NEK10: variants seen among roughly 807,000 people sequenced by gnomAD.
NEK10 encodes the protein serine/threonine-protein kinase Nek10.
In NEK10, 122 loss-of-function variants were observed where a neutral mutation model predicts 159.8. The ratio of observed to expected loss-of-function variants is 0.76; its 90% CI spans 0.66 to 0.89. NEK10 has a LOEUF of 0.89. NEK10 is among the 40% of genes least tolerant of loss of function. The pLI is 0.00. For synonymous variants in NEK10, 466 were observed against 457.1 expected (o/e 1.02, Z -0.25); for missense variants, 1,342 against 1,323.1 (o/e 1.01, Z -0.22).
At chr3:27,142,406 C>A (rs887947218) in intron 30 of NEK10, among the ~76,000 whole-genome samples, 6 of 152,054 alleles carry the variant, frequency 3.9e-5, no homozygotes, top group Non-Finnish European at 8.8e-5. Context: ...ATGTGATGTG[C>A]ATTATCTTCC....
At chr3:27,317,576 T>TA (rs2045299838) in intron 6 of NEK10, among the ~76,000 whole-genome samples, 1 of 152,176 alleles carries the variant, frequency 6.6e-6, no homozygotes, top group African/African-American at 2.4e-5. Context: ...ATAATACTGG[T>TA]AAAAAGTATG....
chr3:27,137,787 C>A (rs574147880), intron 31 of NEK10, among the ~76,000 whole-genome samples: 6 of 152,218 alleles, frequency 3.9e-5, no homozygotes, highest in South Asian at 4.1e-4. Context: ...AGAGTTTGGA[C>A]AAAACTTGAT....
chr3:27,305,217 T>C (rs1201770879), intron 11 of NEK10, among the ~76,000 whole-genome samples: 3 of 152,156 alleles, frequency 2.0e-5, no homozygotes, highest in Non-Finnish European at 4.4e-5. Context: ...AGACAACATA[T>C]AAAAATAAAT....
chr3:27,143,532 G>A (rs1943990272), intron 30 of NEK10: 1 of 723,676 alleles, frequency 1.4e-6, no homozygotes, highest in Non-Finnish European at 2.5e-6. Context: ...AATCAACTAT[G>A]CAATTTTTTT....
chr3:27,192,517 T>C (rs1255631779), intron 25 of NEK10, among the ~76,000 whole-genome samples: 1 of 151,532 alleles, frequency 6.6e-6, no homozygotes, highest in Non-Finnish European at 1.5e-5. Context: ...TCTTCGGGTC[T>C]CAGGATGGGC....
At chr3:27,182,805 T>C (rs1438673509) in intron 26 of NEK10, among the ~76,000 whole-genome samples, 2 of 152,076 alleles carry the variant, frequency 1.3e-5, no homozygotes, top group African/African-American at 4.8e-5. Flanking sequence ...AGACATTATG[T>C]TAAGTGAAAT....
intron 22 of NEK10, among the ~76,000 whole-genome samples, chr3:27,275,560 T>C (rs1037391015): frequency 7.2e-5 from 11 of 152,152 alleles, no homozygotes; most frequent in Non-Finnish European, 1.2e-4. Flanking sequence ...CTATAGACAC[T>C]ATATCCGGTT....
chr3:27,259,039 A>G (rs910271280), intron 22 of NEK10, among the ~76,000 whole-genome samples: 2 of 151,218 alleles, frequency 1.3e-5, no homozygotes, highest in Non-Finnish European at 2.9e-5. Flanking sequence ...GTCTGTTTAT[A>G]TCCTTCACCC....
chr3:27,144,298 C>T (rs1944078694), intron 30 of NEK10, among the ~76,000 whole-genome samples: 4 of 152,362 alleles, frequency 2.6e-5, no homozygotes, highest in East Asian at 1.9e-4. Context: ...CCTGGATGCA[C>T]TGTAGTTTAC....
intron 23 of NEK10, among the ~76,000 whole-genome samples, chr3:27,224,675 C>G (rs765835413): frequency 6.6e-6 from 1 of 151,836 alleles, no homozygotes; most frequent in African/African-American, 2.4e-5. Flanking sequence ...TGTTTTTTTC[C>G]TTACTCTCAC....
chr3:27,115,905 A>G (rs1940343470), intron 35 of NEK10, 35 bp downstream of exon 35: 3 of 1,494,180 alleles, frequency 2.0e-6, no homozygotes, highest in South Asian at 1.1e-5. Flanking sequence ...ACCTCAATTC[A>G]TCTTTCACAA....
In NEK10 at chr3:27,147,531, T is replaced by C. The variant is rs76638569; in HGVS notation, c.2870-5949A>G. ...GATCAGGCAACAAACTTCCTTTCAT[T>C]TGAAACTTCAGGAATAAGCTGTTTA... is the stretch of plus-strand genomic sequence containing the variant. On this transcript the variant is annotated intron_variant, in intron 30 of 35. Transcript: ENST00000691995. 8.3e-3 allele frequency among the ~76,000 whole-genome samples: 1,261 copies of C among 152,338 alleles called. 15 individuals are homozygous for C. Among genetic ancestry groups the C allele is most frequent in the African/African-American group, 0.029 (1,208 of 41,576 alleles).
chr3:27,260,205 C>T (rs2040275709), intron 22 of NEK10, among the ~76,000 whole-genome samples: 1 of 152,128 alleles, frequency 6.6e-6, no homozygotes, highest in Non-Finnish European at 1.5e-5. Flanking sequence ...ATTGAATACC[C>T]TTTATTTCCT....
chr3:27,231,812 A>G (rs1953307921), intron 23 of NEK10, among the ~76,000 whole-genome samples: 1 of 151,890 alleles, frequency 6.6e-6, no homozygotes, highest in South Asian at 2.1e-4. Flanking sequence ...AACTCTGAAC[A>G]GACCAATAAC....
At chr3:27,251,272 C>A (rs1559363145) in intron 23 of NEK10, among the ~76,000 whole-genome samples, 1 of 152,162 alleles carries the variant, frequency 6.6e-6, no homozygotes. Flanking sequence ...ATACCATGGT[C>A]TTTTTCCAAT....
chr3:27,118,615 C>T (rs528138742), intron 33 of NEK10, among the ~76,000 whole-genome samples: 2 of 152,164 alleles, frequency 1.3e-5, no homozygotes, highest in Non-Finnish European at 2.9e-5. Flanking sequence ...TCCAGCTGCC[C>T]TGGGGGGAGT....
intron 13 of NEK10, among the ~76,000 whole-genome samples, chr3:27,301,110 G>C (rs2043788738): frequency 1.3e-5 from 2 of 152,186 alleles, no homozygotes; most frequent in South Asian, 4.1e-4. Flanking sequence ...AGACCGCACT[G>C]TAGCTCCAGT....
intron 6 of NEK10, among the ~76,000 whole-genome samples, chr3:27,314,805 A>G (rs2045025339): frequency 6.6e-6 from 1 of 152,130 alleles, no homozygotes; most frequent in African/African-American, 2.4e-5. Flanking sequence ...CAGCACCCTC[A>G]TTACCTGGGA....
intron 1 of NEK10, among the ~76,000 whole-genome samples, chr3:27,364,382 G>A (rs1445913973): frequency 5.1e-5 from 7 of 138,470 alleles, no homozygotes; most frequent in Admixed American, 2.1e-4. Flanking sequence ...GTGTGTGTGT[G>A]TGTGTGTGTG....
Sources: allele counts gnomAD v4.1 joint callset (sites outside exome capture counted in the v4.1 genomes callset), GRCh38; gene constraint gnomAD v4.1.1; transcripts MANE v1.5; gene names NCBI Gene and HGNC (gene_info 2026-07-23, HGNC 2026-07-21).